FOXK2: variants seen among roughly 807,000 people sequenced by gnomAD.
The protein encoded by FOXK2 is forkhead box protein K2.
FOXK2 carries 24 observed loss-of-function variants against 53.3 expected under a neutral mutation model. The ratio of observed to expected loss-of-function variants is 0.45; its 90% confidence interval spans 0.33 to 0.63. The LOEUF is 0.63. Among genes scored for constraint, FOXK2 ranks in the 30% least tolerant of loss-of-function variants. The pLI is 0.03. For missense variants in FOXK2, 952 were observed against 910.5 expected (o/e 1.05, Z -0.59); for synonymous variants, 505 against 407.1 (o/e 1.24, Z -2.89).
rs4789792 is a variant in FOXK2 at position 82,557,656 on chromosome 17, T to A, written c.420-5698T>A. Among the ~76,000 whole-genome samples, 3,620 of 152,096 alleles carry A rather than the reference T, an allele frequency of 0.024. 285 individuals are homozygous for A. The East Asian group carries it at 0.24, about 10-fold the overall frequency. ...CACTGTGTCCGGCCTCTGCCTTTTT[T>A]AAAAAAACTAGAAATGGGATCTTGC... On this transcript the variant is annotated intron_variant, in intron 1 of 8. Coordinates refer to ENST00000335255, the MANE Select transcript of FOXK2 (RefSeq NM_004514.4).
intron 8 of FOXK2, 28 bp downstream of exon 8, chr17:82,587,300 G>A (rs375394276): frequency 4.1e-4 from 635 of 1,562,336 alleles, no homozygotes; most frequent in Non-Finnish European, 4.9e-4. Flanking sequence ...GTGGCTCCCC[G>A]TGGCTGTGGG....
chr17:82,543,934 G>A (rs2044597623), intron 1 of FOXK2, among the ~76,000 whole-genome samples: 1 of 151,986 alleles, frequency 6.6e-6, no homozygotes, highest in South Asian at 2.1e-4. Context: ...CCGCCACCAC[G>A]CCTGGCTAAT....
At chr17:82,549,882 A>G (rs1186365547) in intron 1 of FOXK2, among the ~76,000 whole-genome samples, 1 of 152,216 alleles carries the variant, frequency 6.6e-6, no homozygotes, top group Non-Finnish European at 1.5e-5. Flanking sequence ...TCCAGTGCAG[A>G]ATGAAAACAT....
At position 82,570,967 on chromosome 17, in the gene FOXK2, C is replaced by T. The variant is rs1439881329; in HGVS notation, c.763-757C>T. Among the ~76,000 whole-genome samples, 5 of 152,172 alleles carry T rather than the reference C, an allele frequency of 3.3e-5. No individual in the cohort carries two copies. In the East Asian group the frequency reaches 9.7e-4, roughly 29 times the overall value. ...GGGGCTCTTCGTGGGCCAGGGGGCTCCTCCTCATGGGCGGCAGGGTCTCCT... is the reference window on the plus strand; with the variant it reads ...GGGGCTCTTCGTGGGCCAGGGGGCTTCTCCTCATGGGCGGCAGGGTCTCCT... On this transcript the variant is annotated intron_variant, in intron 3 of 8. Coordinates refer to ENST00000335255, the MANE Select transcript of FOXK2 (RefSeq NM_004514.4).
At position 82,520,140 on chromosome 17, in the gene FOXK2, GC is replaced by G. The variant is rs1485977948; in HGVS notation, c.257del (p.Pro86ArgfsTer67). On this transcript the variant is annotated frameshift_variant, in exon 1 of 9. Coordinates refer to ENST00000335255, the MANE Select transcript of FOXK2 (RefSeq NM_004514.4). LOFTEE classifies it high-confidence loss of function. ...ISRRHLEIFTPPGGGGHGGAA... is the reference protein window; with the variant it reads ...ISRRHLEIFTXPGGGGHGGAA... ...CCCGGCGCCACCTCGAGATCTTCAC[GC>G]CCCCGGGCGGCGGCGGCCATGGCGG... 2.0e-6 allele frequency: 3 copies of G among 1,526,624 alleles called. No individual in the cohort carries two copies. The highest frequency in any genetic ancestry group is 1.2e-5 in the South Asian group (1 of 82,190). The allele number at this position is 1,526,624 out of a possible 1,614,324, so 94.6% of individuals were successfully genotyped here.
chr17:82,591,041 G>A (rs567172091), intron 8 of FOXK2, among the ~76,000 whole-genome samples: 5 of 152,312 alleles, frequency 3.3e-5, no homozygotes, highest in South Asian at 4.1e-4. Flanking sequence ...TGGCCCCTGC[G>A]TGTGTCGTGA....
chr17:82,568,459 A>G (rs1312562451), intron 3 of FOXK2, among the ~76,000 whole-genome samples: 1 of 152,256 alleles, frequency 6.6e-6, no homozygotes, highest in Non-Finnish European at 1.5e-5. Context: ...GGCTGGGCAG[A>G]CAGCGGAAGA....
chr17:82,596,596 C>G (rs538186995), intron 8 of FOXK2, among the ~76,000 whole-genome samples: 5 of 20,076 alleles, frequency 2.5e-4, no homozygotes, highest in Admixed American at 2.5e-3. Context: ...GCAGCCTCAT[C>G]AAGTCTCCCA....
At chr17:82,561,872 T>C (rs371249689) in intron 1 of FOXK2, among the ~76,000 whole-genome samples, 163 of 146,954 alleles carry the variant, frequency 1.1e-3, no homozygotes, top group African/African-American at 3.9e-3. Context: ...GAGGTGCCCC[T>C]AGGGCAGGGT....
At chr17:82,591,664 G>A (rs2045254110) in intron 8 of FOXK2, among the ~76,000 whole-genome samples, 1 of 152,232 alleles carries the variant, frequency 6.6e-6, no homozygotes, top group South Asian at 2.1e-4. Context: ...GCAGGGAGAT[G>A]TGGGAAGAGT....
intron 3 of FOXK2, among the ~76,000 whole-genome samples, chr17:82,568,896 A>G (rs2044882553): frequency 6.6e-6 from 1 of 152,154 alleles, no homozygotes; most frequent in African/African-American, 2.4e-5. Context: ...CTGTAATCTC[A>G]GCTGCTCTGG....
intron 1 of FOXK2, among the ~76,000 whole-genome samples, chr17:82,524,405 A>T (rs2044397214): frequency 6.6e-6 from 1 of 152,240 alleles, no homozygotes; most frequent in African/African-American, 2.4e-5. Context: ...TAGGTTTAAA[A>T]TTTGGCTCAT....
intron 2 of FOXK2, among the ~76,000 whole-genome samples, chr17:82,565,878 A>G (rs1338423936): frequency 6.6e-6 from 1 of 152,256 alleles, no homozygotes; most frequent in East Asian, 1.9e-4. Context: ...CCTTATGCAC[A>G]ATTTCCAGAG....
chr17:82,529,863 C>T (rs559462932), intron 1 of FOXK2, among the ~76,000 whole-genome samples: 2 of 151,836 alleles, frequency 1.3e-5, no homozygotes, highest in African/African-American at 2.4e-5. Context: ...AACATTGTTA[C>T]GTTTGTAATG....
chr17:82,525,905 G>A (rs1029919877), intron 1 of FOXK2, among the ~76,000 whole-genome samples: 10 of 151,774 alleles, frequency 6.6e-5, no homozygotes, highest in Non-Finnish European at 1.5e-4. Flanking sequence ...TCTTTCTTAC[G>A]TGGCATGAAT....
rs2045187523 is a variant in FOXK2, at chr17:82,587,049, T to C, written c.1577-14T>C. On this transcript the variant is annotated splice_polypyrimidine_tract_variant and intron_variant, in intron 7 of 8. Coordinates refer to ENST00000335255, the MANE Select transcript of FOXK2 (RefSeq NM_004514.4). ...CCAGTAATATTAATGTCGTTTCTTT[T>C]CCTTTAATTTCAGTGAAAGTAGAGC... is the stretch of plus-strand genomic sequence containing the variant. 6 of 1,610,866 alleles carry C rather than the reference T, an allele frequency of 3.7e-6. No homozygotes were observed. Among genetic ancestry groups the C allele is most frequent in the Non-Finnish European group, 5.1e-6 (6 of 1,178,510 alleles).
intron 1 of FOXK2, among the ~76,000 whole-genome samples, chr17:82,555,751 G>A (rs572322306): frequency 5.3e-5 from 8 of 150,840 alleles, no homozygotes; most frequent in Admixed American, 5.3e-4. Flanking sequence ...AAATTGGCGT[G>A]GGGGCGGGCG....
At chr17:82,596,764 C>T (rs1002459491) in intron 8 of FOXK2, among the ~76,000 whole-genome samples, 1 of 152,200 alleles carries the variant, frequency 6.6e-6, no homozygotes, top group Non-Finnish European at 1.5e-5. Context: ...GCAGAGCTGG[C>T]GGAGCCCCTC....
intron 7 of FOXK2, 96 bp from the exon 8 acceptor site, chr17:82,586,967 A>G (rs1038273921): frequency 9.5e-7 from 1 of 1,055,618 alleles, no homozygotes; most frequent in East Asian, 2.4e-5. Context: ...ATTTTCTAGC[A>G]GGTGTGATAG....
Sources: allele counts gnomAD v4.1 joint callset (sites outside exome capture counted in the v4.1 genomes callset), GRCh38; gene constraint gnomAD v4.1.1; transcripts MANE v1.5; gene names NCBI Gene and HGNC (gene_info 2026-07-23, HGNC 2026-07-21).